PKHD1: variants seen among roughly 807,000 people sequenced by gnomAD.
PKHD1 encodes the protein PKHD1 ciliary IPT domain containing fibrocystin/polyductin, also known as fibrocystin.
Under a neutral mutation model 412.0 loss-of-function variants are expected in PKHD1, and 291 were observed. That is an observed-to-expected ratio of 0.71 (90% confidence interval 0.64 to 0.78). PKHD1 has a LOEUF of 0.78. PKHD1 is among the 30% of genes least tolerant of loss of function. The pLI is 0.00. For synonymous variants in PKHD1, 1,777 were observed against 1,821.5 expected, an observed-to-expected ratio of 0.98 and a Z score of 0.62; for missense variants, 4,825 against 4,950.7, an observed-to-expected ratio of 0.97 and a Z score of 0.76.
At chr6:51,668,021 T>C (rs1001303279) in intron 60 of PKHD1, among the ~76,000 whole-genome samples, 6 of 152,056 alleles carry the variant, frequency 3.9e-5, no homozygotes, top group Admixed American at 2.0e-4. Flanking sequence ...ATTGACTTGG[T>C]GATGCAGGCT....
intron 52 of PKHD1, among the ~76,000 whole-genome samples, chr6:51,822,537 GC>G (rs1216364225): frequency 2.6e-5 from 4 of 152,122 alleles, no homozygotes; most frequent in Admixed American, 2.6e-4. Flanking sequence ...ATATCTCTCT[GC>G]AATAGCTCTC....
intron 36 of PKHD1, among the ~76,000 whole-genome samples, chr6:51,939,905 C>T (rs1367818570): frequency 6.6e-6 from 1 of 151,722 alleles, no homozygotes; most frequent in East Asian, 1.9e-4. Flanking sequence ...TCACCTCCCT[C>T]ATCACACCAG....
Position 51,754,162 on chromosome 6 carries a change from A to C in PKHD1, c.8797+622T>G, listed in dbSNP as rs544780940. On this transcript the variant is annotated intron_variant, in intron 56 of 66. Coordinates refer to ENST00000371117, the MANE Select transcript of PKHD1 (RefSeq NM_138694.4). ...ATCTCCTGGATTAGATTTATTTATT[A>C]GACTGAATCAGGAAGGTTATTGTGA... Among the ~76,000 whole-genome samples, 3 of 152,274 alleles carry C rather than the reference A, an allele frequency of 2.0e-5. No individual in the cohort carries two copies. In the South Asian group the frequency reaches 6.2e-4, roughly 32 times the overall value.
chr6:51,830,663 G>T (rs1768080565), intron 52 of PKHD1, among the ~76,000 whole-genome samples, 198 bp downstream of exon 52: 1 of 152,146 alleles, frequency 6.6e-6, no homozygotes, highest in South Asian at 2.1e-4. Context: ...AGATATGCTA[G>T]GTTAATTTTG....
At chr6:52,058,201 T>A (rs1259831906) in intron 16 of PKHD1, 122 bp downstream of exon 16, 2 of 873,658 alleles carry the variant, frequency 2.3e-6, no homozygotes, top group African/African-American at 3.3e-5. Context: ...AGATATCCTA[T>A]TTCTTTGACA....
intron 51 of PKHD1, among the ~76,000 whole-genome samples, chr6:51,834,369 A>C (rs187845881): frequency 6.6e-6 from 1 of 152,256 alleles, no homozygotes; most frequent in East Asian, 1.9e-4. Context: ...TAGGAAAAGA[A>C]TACCCGATGA....
At position 51,706,664 on chromosome 6, in the gene PKHD1, A is replaced by G. The variant is rs769955623; in HGVS notation, c.10156+37721T>C. Reference sequence around the variant, plus strand: ...CTCTGTCCCATTTTGTCATCTGTCCATTAACACCTTTTCCCTACAGTCCCA... The same window carrying G: ...CTCTGTCCCATTTTGTCATCTGTCCGTTAACACCTTTTCCCTACAGTCCCA... On this transcript the variant is annotated intron_variant, in intron 60 of 66. Coordinates refer to ENST00000371117, the MANE Select transcript of PKHD1 (RefSeq NM_138694.4). Among the ~76,000 whole-genome samples, 9 of 152,148 alleles carry G rather than the reference A, an allele frequency of 5.9e-5. No homozygotes were observed. In the South Asian group the frequency reaches 1.2e-3, roughly 21 times the overall value.
chr6:51,932,245 A>G (rs945910047), intron 37 of PKHD1, among the ~76,000 whole-genome samples: 1 of 152,260 alleles, frequency 6.6e-6, no homozygotes, highest in Non-Finnish European at 1.5e-5. Flanking sequence ...CATTTAAAAT[A>G]CAGGCACAAA....
Position 52,024,791 on chromosome 6 carries a change from T to C in PKHD1, c.5019A>G (p.Ala1673=), listed in dbSNP as rs1218393886. The C allele has an allele frequency of 6.2e-7, 1 of 1,614,220 alleles. No individual in the cohort carries two copies. The highest frequency in any genetic ancestry group is 8.5e-7 in the Non-Finnish European group (1 of 1,180,032). The stretch of plus-strand genomic sequence containing the variant: ...TTGCAGCTCCTGAGATCTGGGCCAC[T>C]GCAAAGGTTAAGATGTCATCGCTCT... The part of the protein sequence containing the change: ...ISQSDDILTF[A]VAQISGAANI... The change falls in exon 32 of 67, where the codon GCA becomes GCG. Residue 1673 remains alanine, a synonymous_variant. Transcript: ENST00000371117.
chr6:51,818,018 T>C (rs899708477), intron 52 of PKHD1, among the ~76,000 whole-genome samples: 2 of 152,210 alleles, frequency 1.3e-5, no homozygotes, highest in Admixed American at 6.5e-5. Context: ...CAATGTTTTT[T>C]ATCCAGACAC....
intron 36 of PKHD1, among the ~76,000 whole-genome samples, chr6:51,955,745 AT>A (rs1220810206): frequency 6.6e-6 from 1 of 152,096 alleles, no homozygotes; most frequent in Non-Finnish European, 1.5e-5. Flanking sequence ...TCTTTGTAAT[AT>A]AGAAATGGCT....
chr6:51,922,957 A>G (rs1295436972), intron 37 of PKHD1, among the ~76,000 whole-genome samples: 1 of 152,140 alleles, frequency 6.6e-6, no homozygotes, highest in Non-Finnish European at 1.5e-5. Flanking sequence ...CCACTGTCCA[A>G]CAAGTCCCAT....
rs1794440590 is a variant in PKHD1, at chr6:51,976,381, T to G, written c.5752-16355A>C. Among the ~76,000 whole-genome samples the G allele has an allele frequency of 1.3e-5, 2 of 152,156 alleles. 1 individual carries two copies. Among genetic ancestry groups the G allele is most frequent in the Admixed American group, 1.3e-4 (2 of 15,280 alleles). On this transcript the variant is annotated intron_variant, in intron 35 of 66. Transcript: ENST00000371117. ...AAGGACAATATTATGCTAAAAGAAA[T>G]AAACCAAACACAAAAGAACAGATAT... is the stretch of plus-strand genomic sequence containing the variant.
chr6:51,827,989 A>C (rs1767606910), intron 52 of PKHD1, among the ~76,000 whole-genome samples: 1 of 152,228 alleles, frequency 6.6e-6, no homozygotes, highest in Non-Finnish European at 1.5e-5. Context: ...AGTTTTTCCA[A>C]GCATGTGTGA....
At chr6:51,827,783 G>A (rs1225161056) in intron 52 of PKHD1, among the ~76,000 whole-genome samples, 1 of 152,080 alleles carries the variant, frequency 6.6e-6, no homozygotes, top group Admixed American at 6.6e-5. Flanking sequence ...GATCATGAGC[G>A]CTTGGAACTG....
At chr6:51,655,362 T>C (rs1345596193) in intron 61 of PKHD1, among the ~76,000 whole-genome samples, 2 of 152,146 alleles carry the variant, frequency 1.3e-5, no homozygotes, top group African/African-American at 2.4e-5. Context: ...AAAAGACTTG[T>C]ATAATTGATT....
intron 50 of PKHD1, among the ~76,000 whole-genome samples, chr6:51,842,096 C>T (rs759474795): frequency 1.2e-4 from 19 of 152,196 alleles, no homozygotes; most frequent in Non-Finnish European, 2.1e-4. Context: ...CGTGGTGAGG[C>T]GGACATTTGG....
At chr6:52,013,217 C>A (rs1355819421) in intron 34 of PKHD1, among the ~76,000 whole-genome samples, 1 of 152,150 alleles carries the variant, frequency 6.6e-6, no homozygotes, top group Non-Finnish European at 1.5e-5. Context: ...CCTGACTCTT[C>A]GCTGGCAGAG....
At position 51,748,651 on chromosome 6, in the gene PKHD1, G is replaced by A. The variant is rs767041546; in HGVS notation, c.8965C>T (p.Leu2989Phe). ...CCGAAGTTCTGAATTTCCACATTAA[G>A]AAGTTGAAGGACACCTATAAACAAA... ...REEFSGVLQL[L>F]NVEIQNFGSP... Residue 2989 changes from leucine (L) to phenylalanine (F), a missense_variant, in exon 58 of 67, where the codon CTT (leucine) becomes TTT (phenylalanine). Coordinates refer to ENST00000371117, the MANE Select transcript of PKHD1 (RefSeq NM_138694.4). The A allele has an allele frequency of 6.2e-7, 1 of 1,613,738 alleles. No homozygotes were observed. Among genetic ancestry groups the A allele is most frequent in the Non-Finnish European group, 8.5e-7 (1 of 1,179,802 alleles).
Sources: allele counts gnomAD v4.1 joint callset (sites outside exome capture counted in the v4.1 genomes callset), GRCh38; gene constraint gnomAD v4.1.1; transcripts MANE v1.5; gene names NCBI Gene and HGNC (gene_info 2026-07-23, HGNC 2026-07-21).